DGKB: variants seen among roughly 807,000 people sequenced by gnomAD.
The protein encoded by DGKB is 90 kDa diacylglycerol kinase.
DGKB carries 67 observed loss-of-function variants against 114.3 expected under a neutral mutation model. The observed-to-expected ratio is 0.59, with a 90% CI of 0.48 to 0.72. The LOEUF (loss-of-function observed/expected upper bound fraction) is 0.72, where lower values mean the gene tolerates loss of function less well. Among genes scored for constraint, DGKB ranks in the 30% least tolerant of loss-of-function variants. The probability of loss-of-function intolerance (pLI) is 0.00; values close to 1 mark genes in which losing one functional copy is unlikely to be tolerated. For synonymous variants in DGKB, 398 were observed against 323.1 expected, an observed-to-expected ratio of 1.23 and a Z score of -2.49; for missense variants, 907 against 975.2, an observed-to-expected ratio of 0.93 and a Z score of 0.93.
intron 19 of DGKB, among the ~76,000 whole-genome samples, chr7:14,574,782 A>G (rs1371837798): frequency 4.6e-5 from 7 of 152,124 alleles, no homozygotes; most frequent in East Asian, 3.9e-4. Flanking sequence ...GACATTTTAG[A>G]CTTTTCCCTT....
intron 21 of DGKB, among the ~76,000 whole-genome samples, chr7:14,348,346 G>A (rs1453459395): frequency 6.6e-6 from 1 of 152,020 alleles, no homozygotes; most frequent in Non-Finnish European, 1.5e-5. Context: ...CTGAGTAGTA[G>A]TACATGGTAT....
chr7:14,609,833 G>A (rs80097508), intron 16 of DGKB, among the ~76,000 whole-genome samples: 12,514 of 151,904 alleles, frequency 0.082, 1,707 homozygotes, highest in African/African-American at 0.28. Context: ...ACCATCTCAC[G>A]CCAATCAGAA....
chr7:14,587,895 G>A (rs1399996319), intron 17 of DGKB, among the ~76,000 whole-genome samples: 1 of 152,044 alleles, frequency 6.6e-6, no homozygotes, highest in Non-Finnish European at 1.5e-5. Context: ...ACTGGGAAAC[G>A]AAAAAATTTG....
At chr7:14,335,357 T>A (rs749861005) in intron 23 of DGKB, among the ~76,000 whole-genome samples, 1 of 152,182 alleles carries the variant, frequency 6.6e-6, no homozygotes, top group Non-Finnish European at 1.5e-5. Flanking sequence ...ATTACCTTTA[T>A]TACATGAATT....
chr7:14,481,432 A>G (rs1008128462), intron 20 of DGKB, among the ~76,000 whole-genome samples: 16 of 151,932 alleles, frequency 1.1e-4, no homozygotes, highest in African/African-American at 3.9e-4. Flanking sequence ...TCTTTATAAA[A>G]TGTAAAATAG....
rs144286178 is a variant in DGKB at position 14,429,273 on chromosome 7, G to C, written c.1835+48888C>G. On this transcript the variant is annotated intron_variant, in intron 21 of 25. Transcript: ENST00000402815. ...CTTGAGGATGGAGCCCTCATGATGG[G>C]ATTAGTGGTGCCATAAGAAGAGAGG... is the stretch of plus-strand genomic sequence containing the variant. Among the ~76,000 whole-genome samples the C allele has an allele frequency of 1.3e-3, 191 of 152,152 alleles. 1 individual carries two copies. The highest frequency in any genetic ancestry group is 4.4e-3 in the African/African-American group (184 of 41,544).
At chr7:14,396,160 A>C (rs1342368651) in intron 21 of DGKB, among the ~76,000 whole-genome samples, 2 of 152,028 alleles carry the variant, frequency 1.3e-5, no homozygotes, top group African/African-American at 4.8e-5. Context: ...AATATATTTT[A>C]AATATATTAA....
At chr7:14,280,298 A>G (rs1472726739) in intron 23 of DGKB, among the ~76,000 whole-genome samples, 10 of 152,004 alleles carry the variant, frequency 6.6e-5, no homozygotes, top group Middle Eastern at 3.2e-3. Flanking sequence ...AGCGAGAAGG[A>G]AAGTTTAGAG....
intron 4 of DGKB, among the ~76,000 whole-genome samples, chr7:14,749,770 A>T (rs934111550): frequency 2.6e-5 from 4 of 152,270 alleles, no homozygotes; most frequent in African/African-American, 9.6e-5. Flanking sequence ...GAAAAATAAA[A>T]CCCAATAAAA....
chr7:14,806,057 G>A (rs1479483469), intron 2 of DGKB, among the ~76,000 whole-genome samples: 1 of 151,656 alleles, frequency 6.6e-6, no homozygotes, highest in Non-Finnish European at 1.5e-5. Context: ...TACTCAGAAA[G>A]TAGTTGAGAT....
intron 21 of DGKB, among the ~76,000 whole-genome samples, chr7:14,440,457 G>A (rs1829929567): frequency 6.6e-6 from 1 of 152,056 alleles, no homozygotes; most frequent in African/African-American, 2.4e-5. Flanking sequence ...AGTTGATCAT[G>A]ACCCTCATTC....
At chr7:14,240,245 C>A (rs1793442742) in intron 23 of DGKB, among the ~76,000 whole-genome samples, 1 of 151,926 alleles carries the variant, frequency 6.6e-6, no homozygotes, top group Admixed American at 6.6e-5. Context: ...AAGAACAACC[C>A]AGTAATCCCT....
intron 1 of DGKB, among the ~76,000 whole-genome samples, chr7:14,848,500 A>T (rs1029394916): frequency 2.6e-5 from 4 of 152,196 alleles, no homozygotes; most frequent in Non-Finnish European, 4.4e-5. Flanking sequence ...ATAAGAGATA[A>T]GAGGTATAAT....
At chr7:14,466,725 A>G (rs10226117) in intron 21 of DGKB, among the ~76,000 whole-genome samples, 56,479 of 151,754 alleles carry the variant, frequency 0.37, 10,919 homozygotes, top group Admixed American at 0.48. Context: ...GGCTGAGGCA[A>G]TAGAATCGCT....
At chr7:14,877,859 C>T (rs994687942) in intron 1 of DGKB, among the ~76,000 whole-genome samples, 1 of 152,040 alleles carries the variant, frequency 6.6e-6, no homozygotes, top group African/African-American at 2.4e-5. Context: ...TAGGAAAAAT[C>T]GTATATAGAA....
At position 14,787,481 on chromosome 7, in the gene DGKB, G is replaced by C. The variant is rs116645422; in HGVS notation, c.71-29750C>G. On this transcript the variant is annotated intron_variant, in intron 2 of 25. Coordinates refer to ENST00000402815, the MANE Select transcript of DGKB (RefSeq NM_001350709.2). ...AAGCAATATGGTGAAATTAATTCCA[G>C]AGAGTGACAAGATCCTTGAAGGACA... Among the ~76,000 whole-genome samples, 781 of 152,256 alleles carry C rather than the reference G, an allele frequency of 5.1e-3. 8 individuals carry two copies. The highest frequency in any genetic ancestry group is 0.018 in the African/African-American group (729 of 41,554).
chr7:14,403,215 T>A (rs906143977), intron 21 of DGKB, among the ~76,000 whole-genome samples: 15 of 147,180 alleles, frequency 1.0e-4, no homozygotes, highest in South Asian at 2.1e-4. Context: ...TCTTTTAATT[T>A]AAAAAAAAAA....
intron 23 of DGKB, among the ~76,000 whole-genome samples, chr7:14,299,092 G>C (rs565049556): frequency 2.7e-4 from 41 of 152,138 alleles, no homozygotes; most frequent in Non-Finnish European, 5.6e-4. Flanking sequence ...TACACTGTTG[G>C]TGGGAGTGTA....
chr7:14,198,636 C>T (rs1217196405), intron 23 of DGKB, among the ~76,000 whole-genome samples: 1 of 151,942 alleles, frequency 6.6e-6, no homozygotes, highest in Non-Finnish European at 1.5e-5. Flanking sequence ...AAATGAAGCT[C>T]TTATTGACAT....
Sources: gnomAD v4.1 joint callset for allele counts (sites outside exome capture counted in the v4.1 genomes callset) on GRCh38, gnomAD v4.1.1 for gene constraint, MANE v1.5 for transcripts, NCBI Gene and HGNC (gene_info 2026-07-23, HGNC 2026-07-21) for gene names.